The following NBEA variants were observed in gnomAD, a reference collection of about 807,000 sequenced individuals.
NBEA encodes the protein neurobeachin.
NBEA carries 44 observed loss-of-function variants against 343.4 expected under a neutral mutation model. The ratio of observed to expected loss-of-function variants is 0.13; its 90% CI spans 0.10 to 0.16. The LOEUF (loss-of-function observed/expected upper bound fraction) is 0.16, where lower values mean the gene tolerates loss of function less well. Ranked by LOEUF, NBEA falls within the 10% of genes least tolerant of loss-of-function variation. The probability of loss-of-function intolerance (pLI) is 1.00; values close to 1 mark genes in which losing one functional copy is unlikely to be tolerated. For missense variants in NBEA, 2,555 were observed against 3,631.3 expected (o/e 0.70, Z 7.62); for synonymous variants, 1,175 against 1,238.7 (o/e 0.95, Z 1.08).
chr13:35,394,912 A>G (rs1333140186), intron 38 of NBEA, among the ~76,000 whole-genome samples: 2 of 152,112 alleles, frequency 1.3e-5, no homozygotes, highest in Non-Finnish European at 2.9e-5. Context: ...GTTTCCTTCT[A>G]CACACTGCCT....
chr13:35,334,127 C>G (rs1285407370), intron 36 of NBEA, among the ~76,000 whole-genome samples: 1 of 152,068 alleles, frequency 6.6e-6, no homozygotes, highest in Non-Finnish European at 1.5e-5. Flanking sequence ...CCAAAGCATT[C>G]TTCTTACTGG....
intron 1 of NBEA, among the ~76,000 whole-genome samples, chr13:34,956,136 T>A (rs998690927): frequency 6.6e-5 from 10 of 152,150 alleles, no homozygotes; most frequent in African/African-American, 2.4e-4. Context: ...TGAATGAGAC[T>A]CACTGGCAAA....
At chr13:35,334,457 A>G (rs2039125014) in intron 36 of NBEA, among the ~76,000 whole-genome samples, 1 of 152,136 alleles carries the variant, frequency 6.6e-6, no homozygotes, top group African/African-American at 2.4e-5. Flanking sequence ...TTTAATAGAG[A>G]TGGGGTTTTA....
At chr13:35,617,034 G>A (rs1042171094) in intron 48 of NBEA, among the ~76,000 whole-genome samples, 10 of 152,128 alleles carry the variant, frequency 6.6e-5, no homozygotes, top group African/African-American at 2.4e-4. Context: ...ATTTACTCTC[G>A]CAGATTCAGA....
intron 34 of NBEA, among the ~76,000 whole-genome samples, chr13:35,261,335 A>C (rs1352296570): frequency 6.6e-6 from 1 of 152,112 alleles, no homozygotes; most frequent in Non-Finnish European, 1.5e-5. Flanking sequence ...AACATGATGA[A>C]ACCCTGTCTC....
At chr13:35,513,198 G>A (rs9574067) in intron 41 of NBEA, among the ~76,000 whole-genome samples, 18,941 of 148,058 alleles carry the variant, frequency 0.13, 1,492 homozygotes, top group East Asian at 0.45. Context: ...ATGCAGTGGC[G>A]CAACCTCGGC....
chr13:34,966,095 A>G (rs998611036), intron 1 of NBEA, among the ~76,000 whole-genome samples: 1 of 152,080 alleles, frequency 6.6e-6, no homozygotes, highest in African/African-American at 2.4e-5. Context: ...TTCTGAATTA[A>G]TAACTTTATG....
chr13:35,021,885 A>T (rs1329732830), intron 1 of NBEA, among the ~76,000 whole-genome samples: 1 of 152,004 alleles, frequency 6.6e-6, no homozygotes, highest in Non-Finnish European at 1.5e-5. Context: ...AAACTGTGGA[A>T]TTTTTTCTAA....
intron 31 of NBEA, among the ~76,000 whole-genome samples, chr13:35,200,750 A>T (rs1418086558): frequency 6.6e-6 from 1 of 151,954 alleles, no homozygotes; most frequent in African/African-American, 2.4e-5. Flanking sequence ...TATTTTGTAA[A>T]TAATATAGGG....
At chr13:35,295,961 T>C (rs2036100706) in intron 35 of NBEA, among the ~76,000 whole-genome samples, 2 of 152,206 alleles carry the variant, frequency 1.3e-5, no homozygotes, top group Non-Finnish European at 2.9e-5. Context: ...AAAATATTTT[T>C]TCTAAGCTAC....
intron 45 of NBEA, among the ~76,000 whole-genome samples, chr13:35,578,204 T>C (rs1192693972): frequency 1.3e-5 from 2 of 152,194 alleles, no homozygotes; most frequent in East Asian, 3.9e-4. Context: ...GCTGGTTCTG[T>C]AAAACGTCTA....
chr13:35,006,181 G>A (rs968396806), intron 1 of NBEA, among the ~76,000 whole-genome samples: 7 of 151,664 alleles, frequency 4.6e-5, no homozygotes, highest in Non-Finnish European at 1.0e-4. Flanking sequence ...TTGTCATGTC[G>A]GTTCAGTACA....
At chr13:35,022,876 G>T (rs1217230305) in intron 1 of NBEA, among the ~76,000 whole-genome samples, 1 of 152,014 alleles carries the variant, frequency 6.6e-6, no homozygotes, top group Non-Finnish European at 1.5e-5. Context: ...TTCACAAAAT[G>T]GTGATTCTTA....
chr13:35,463,412 C>T (rs1487344648), intron 40 of NBEA, among the ~76,000 whole-genome samples: 1 of 152,056 alleles, frequency 6.6e-6, no homozygotes, highest in Non-Finnish European at 1.5e-5. Context: ...CGCTTAAGCT[C>T]AGGAGTTCGA....
chr13:35,230,561 C>A (rs1446268910), intron 33 of NBEA, among the ~76,000 whole-genome samples: 10 of 151,982 alleles, frequency 6.6e-5, no homozygotes, highest in Non-Finnish European at 1.5e-4. Context: ...TCACTCTTAC[C>A]ATTCTTACCA....
intron 49 of NBEA, among the ~76,000 whole-genome samples, chr13:35,635,875 A>C (rs2083671693): frequency 6.6e-6 from 1 of 152,232 alleles, no homozygotes; most frequent in Non-Finnish European, 1.5e-5. Context: ...CGTCCACTAG[A>C]AAAGCATAAA....
At chr13:35,136,825 A>G (rs2067757684) in intron 17 of NBEA, among the ~76,000 whole-genome samples, 1 of 152,228 alleles carries the variant, frequency 6.6e-6, no homozygotes, top group Admixed American at 6.5e-5. Flanking sequence ...TGGCATCCCC[A>G]GTCAATTGAG....
intron 1 of NBEA, among the ~76,000 whole-genome samples, chr13:35,033,716 T>C (rs1191975053): frequency 2.0e-5 from 3 of 151,948 alleles, no homozygotes; most frequent in Non-Finnish European, 4.4e-5. Flanking sequence ...TAGAGATCTT[T>C]CACTTCTTGG....
In NBEA at chr13:35,017,000, C is replaced by T. The variant is rs923668492; in HGVS notation, c.295-23933C>T. ...TGAGTAAGATTTATTCAGGTTTTGTCGACTGTGAGAAACAGTTTGGATTCT... is the reference window on the plus strand; with the variant it reads ...TGAGTAAGATTTATTCAGGTTTTGTTGACTGTGAGAAACAGTTTGGATTCT... On this transcript the variant is annotated intron_variant, in intron 1 of 58. Transcript: ENST00000379939. 3.3e-5 allele frequency among the ~76,000 whole-genome samples: 5 copies of T among 152,064 alleles called. No homozygotes were observed. In the East Asian group the frequency reaches 7.7e-4, roughly 23 times the overall value.
Sources: allele counts gnomAD v4.1 joint callset (sites outside exome capture counted in the v4.1 genomes callset), GRCh38; gene constraint gnomAD v4.1.1; transcripts MANE v1.5; gene names NCBI Gene and HGNC (gene_info 2026-07-23, HGNC 2026-07-21).